The following ZHX2 variants were observed in gnomAD, a reference collection of about 807,000 sequenced individuals.
ZHX2 encodes zinc fingers and homeoboxes 2.
A neutral mutation model predicts 21.9 loss-of-function variants in ZHX2; 6 were observed. The ratio of observed to expected loss-of-function variants is 0.27; its 90% CI spans 0.15 to 0.54. ZHX2 has a LOEUF of 0.54. Among genes scored for constraint, ZHX2 ranks in the 20% least tolerant of loss-of-function variants. The pLI is 0.95. For missense variants in ZHX2, 908 were observed against 1,090.7 expected (o/e 0.83, Z 2.36); for synonymous variants, 434 against 437.1 (o/e 0.99, Z 0.09).
At chr8:122,841,219 C>T (rs1818617144) in intron 1 of ZHX2, among the ~76,000 whole-genome samples, 1 of 152,156 alleles carries the variant, frequency 6.6e-6, no homozygotes. Context: ...CTAATGAGAA[C>T]TCTCAAACGG....
chr8:122,967,814 G>A (rs527363512), intron 3 of ZHX2, among the ~76,000 whole-genome samples: 1 of 152,232 alleles, frequency 6.6e-6, no homozygotes, highest in Admixed American at 6.5e-5. Flanking sequence ...GCCAGCTGCA[G>A]TAGTAGAAGG....
chr8:122,840,195 G>A (rs1818594835), intron 1 of ZHX2, among the ~76,000 whole-genome samples: 1 of 152,168 alleles, frequency 6.6e-6, no homozygotes, highest in Non-Finnish European at 1.5e-5. Context: ...CTCCAAGTGT[G>A]GTCTTTCCAG....
Position 122,858,634 on chromosome 8 carries a change from CTTTCT to C in ZHX2, c.-282-4839_-282-4835del, listed in dbSNP as rs1258398380. On this transcript the variant is annotated intron_variant, in intron 1 of 3. Coordinates refer to ENST00000314393, the MANE Select transcript of ZHX2 (RefSeq NM_014943.5). ...CAGGTTAACTCCTTTTTTTTTCTTT[CTTTCT>C]TTTTTTTTTTTTTTTTTTTGAGACA... 6.4e-3 allele frequency among the ~76,000 whole-genome samples: 798 copies of C among 124,030 alleles called. 6 individuals are homozygous for C. Among genetic ancestry groups the C allele is most frequent in the African/African-American group, 0.021 (713 of 33,910 alleles). The allele number at this position is 124,030 out of a possible 152,430, so 81.4% of individuals were successfully genotyped here.
intron 1 of ZHX2, among the ~76,000 whole-genome samples, chr8:122,842,370 CTG>C (rs1272666480): frequency 1.3e-4 from 20 of 152,338 alleles, no homozygotes; most frequent in Admixed American, 6.5e-4. Flanking sequence ...TCCCAACAAA[CTG>C]AACCGCTAGT....
intron 2 of ZHX2, among the ~76,000 whole-genome samples, chr8:122,930,663 T>G (rs13271119): frequency 6.6e-6 from 1 of 150,740 alleles, no homozygotes. Flanking sequence ...TTTTTTTTAT[T>G]TTTTTCAGTA....
chr8:122,913,282 A>G (rs547304130), intron 2 of ZHX2, among the ~76,000 whole-genome samples: 3 of 152,322 alleles, frequency 2.0e-5, no homozygotes, highest in South Asian at 4.1e-4. Flanking sequence ...GCATCTGTTA[A>G]TGAACATTTC....
intron 2 of ZHX2, among the ~76,000 whole-genome samples, chr8:122,900,913 T>C (rs1026848030): frequency 1.4e-4 from 22 of 152,210 alleles, no homozygotes; most frequent in Non-Finnish European, 2.9e-4. Context: ...CTGCAGTTGC[T>C]TTGCCATAAT....
intron 2 of ZHX2, among the ~76,000 whole-genome samples, chr8:122,865,326 C>CT (rs1161271075): frequency 1.3e-5 from 2 of 152,050 alleles, no homozygotes; most frequent in Non-Finnish European, 2.9e-5. Context: ...GATGGGGTTT[C>CT]ACCATGTTAG....
At chr8:122,853,613 C>T (rs1228716183) in intron 1 of ZHX2, among the ~76,000 whole-genome samples, 4 of 152,174 alleles carry the variant, frequency 2.6e-5, no homozygotes, top group East Asian at 1.9e-4. Flanking sequence ...TCCTTTCAGC[C>T]GTGCCCTTGC....
chr8:122,835,214 C>CT (rs1337359065), intron 1 of ZHX2, among the ~76,000 whole-genome samples: 2 of 152,234 alleles, frequency 1.3e-5, no homozygotes, highest in Non-Finnish European at 2.9e-5. Flanking sequence ...AACATGAACT[C>CT]TAACAATACC....
chr8:122,927,265 C>G (rs1649393743), intron 2 of ZHX2, among the ~76,000 whole-genome samples: 1 of 152,152 alleles, frequency 6.6e-6, no homozygotes, highest in Non-Finnish European at 1.5e-5. Context: ...GAGGTTGATG[C>G]AGGCAGATCA....
At chr8:122,801,368 T>C (rs1254230511) in intron 1 of ZHX2, among the ~76,000 whole-genome samples, 3 of 152,220 alleles carry the variant, frequency 2.0e-5, no homozygotes, top group Admixed American at 2.0e-4. Flanking sequence ...ACTTGACAAC[T>C]GTCCTCACGA....
intron 1 of ZHX2, among the ~76,000 whole-genome samples, chr8:122,858,638 C>CTTT (rs34399149): frequency 6.3e-4 from 52 of 82,706 alleles, no homozygotes; most frequent in African/African-American, 8.2e-4. Context: ...TTCTTTCTTT[C>CTTT]TTTTTTTTTT....
intron 1 of ZHX2, among the ~76,000 whole-genome samples, chr8:122,830,099 C>A (rs917942689): frequency 6.6e-6 from 1 of 152,190 alleles, no homozygotes; most frequent in Non-Finnish European, 1.5e-5. Flanking sequence ...TGCCGACAGA[C>A]AACAGGAGGC....
intron 2 of ZHX2, among the ~76,000 whole-genome samples, chr8:122,870,397 AG>A (rs1005072315): frequency 7.9e-5 from 12 of 152,152 alleles, no homozygotes; most frequent in East Asian, 1.9e-4. Flanking sequence ...TGGGAGGCCA[AG>A]GGGGGTGGAT....
intron 3 of ZHX2, among the ~76,000 whole-genome samples, chr8:122,972,093 C>A (rs1022754146): frequency 6.6e-5 from 10 of 152,120 alleles, no homozygotes; most frequent in African/African-American, 2.4e-4. Flanking sequence ...ATGGTCTCTT[C>A]CCTGTGTGTG....
chr8:122,912,535 G>A (rs991290921), intron 2 of ZHX2, among the ~76,000 whole-genome samples: 5 of 152,170 alleles, frequency 3.3e-5, no homozygotes, highest in East Asian at 3.8e-4. Context: ...CAGAAGCCTC[G>A]TCTATGGCAC....
At chr8:122,804,009 A>G (rs376505317) in intron 1 of ZHX2, among the ~76,000 whole-genome samples, 2 of 152,230 alleles carry the variant, frequency 1.3e-5, no homozygotes, top group African/African-American at 4.8e-5. Flanking sequence ...ACTCAGTACT[A>G]TAAGATTCAA....
chr8:122,957,820 G>A (rs1813348936), intron 3 of ZHX2, among the ~76,000 whole-genome samples: 1 of 151,974 alleles, frequency 6.6e-6, no homozygotes, highest in Admixed American at 6.6e-5. Context: ...CACTAGGGGT[G>A]GCATTGAAAG....
Sources: gnomAD v4.1 joint callset for allele counts (sites outside exome capture counted in the v4.1 genomes callset) on GRCh38, gnomAD v4.1.1 for gene constraint, MANE v1.5 for transcripts, NCBI Gene and HGNC (gene_info 2026-07-23, HGNC 2026-07-21) for gene names.